The following FGGY variants were observed in gnomAD, a reference collection of about 807,000 sequenced individuals.
FGGY encodes FGGY carbohydrate kinase domain containing.
Under a neutral mutation model 71.3 loss-of-function variants are expected in FGGY, and 72 were observed. That is an observed-to-expected ratio of 1.01 (90% confidence interval 0.84 to 1.23). The LOEUF is 1.23. FGGY is among the 50% of genes most tolerant of loss of function. The pLI is 0.00. For missense variants in FGGY, 668 were observed against 682.3 expected (o/e 0.98, Z 0.23); for synonymous variants, 251 against 250.3 (o/e 1.00, Z -0.02).
intron 14 of FGGY, among the ~76,000 whole-genome samples, chr1:59,697,920 T>C (rs180676831): frequency 1.3e-5 from 2 of 152,332 alleles, no homozygotes; most frequent in East Asian, 3.9e-4. Flanking sequence ...TGAAACTTAC[T>C]AAATATGTGA....
chr1:59,371,164 C>T (rs1266905228), intron 4 of FGGY, among the ~76,000 whole-genome samples: 1 of 152,172 alleles, frequency 6.6e-6, no homozygotes, highest in Non-Finnish European at 1.5e-5. Context: ...GGAAACCCAT[C>T]TCACATGCAG....
chr1:59,487,811 C>T (rs2093699507), intron 6 of FGGY, among the ~76,000 whole-genome samples: 1 of 152,126 alleles, frequency 6.6e-6, no homozygotes, highest in African/African-American at 2.4e-5. Flanking sequence ...CCACCCCCTC[C>T]CCCTTGCCCC....
chr1:59,303,646 T>C (rs1254211533), intron 1 of FGGY, among the ~76,000 whole-genome samples: 1 of 152,162 alleles, frequency 6.6e-6, no homozygotes, highest in African/African-American at 2.4e-5. Context: ...CATATGGTAG[T>C]TCTATTTTTA....
intron 14 of FGGY, among the ~76,000 whole-genome samples, chr1:59,701,138 C>T (rs749525705): frequency 5.9e-5 from 9 of 152,120 alleles, no homozygotes; most frequent in Non-Finnish European, 4.4e-5. Context: ...TAGGGGGACA[C>T]GTGCAAGAGA....
At chr1:59,574,378 C>A (rs1181840255) in intron 8 of FGGY, among the ~76,000 whole-genome samples, 1 of 152,170 alleles carries the variant, frequency 6.6e-6, no homozygotes, top group African/African-American at 2.4e-5. Flanking sequence ...TGCATTTAGG[C>A]CAACTCAAAT....
intron 5 of FGGY, among the ~76,000 whole-genome samples, chr1:59,425,057 T>C (rs997624626): frequency 6.6e-6 from 1 of 152,342 alleles, no homozygotes; most frequent in African/African-American, 2.4e-5. Flanking sequence ...TTCAGTTTCC[T>C]TGCCCATAAA....
At chr1:59,426,011 C>T (rs142711736) in intron 5 of FGGY, among the ~76,000 whole-genome samples, 1 of 151,854 alleles carries the variant, frequency 6.6e-6, no homozygotes, top group Non-Finnish European at 1.5e-5. Flanking sequence ...GAACATGATA[C>T]AAAACTTTTC....
Position 59,378,403 on chromosome 1 carries a change from G to C in FGGY, c.466-346G>C, listed in dbSNP as rs192458084. 2.6e-5 allele frequency among the ~76,000 whole-genome samples: 4 copies of C among 151,906 alleles called. No individual in the cohort carries two copies. In the South Asian group the frequency reaches 8.3e-4, roughly 32 times the overall value. On this transcript the variant is annotated intron_variant, in intron 4 of 15. Coordinates refer to ENST00000303721, the MANE Select transcript of FGGY (RefSeq NM_018291.5). Reference sequence around the variant, plus strand: ...GATTGTGAGGCCTCCCCAGCCACGCGAAACTGTGAGTCCATTAAACCTATT... The same window carrying C: ...GATTGTGAGGCCTCCCCAGCCACGCCAAACTGTGAGTCCATTAAACCTATT...
At chr1:59,465,131 G>A (rs909829495) in intron 6 of FGGY, among the ~76,000 whole-genome samples, 85 of 152,136 alleles carry the variant, frequency 5.6e-4, no homozygotes, top group African/African-American at 1.3e-3. Flanking sequence ...CTGGCAAACC[G>A]AATCCAGCAG....
intron 1 of FGGY, among the ~76,000 whole-genome samples, chr1:59,311,182 A>G (rs1039182272): frequency 2.0e-5 from 3 of 152,194 alleles, no homozygotes; most frequent in African/African-American, 7.2e-5. Context: ...TAGTGTGGAA[A>G]GCCAAGTCAT....
chr1:59,482,462 G>C (rs575846289), intron 6 of FGGY, among the ~76,000 whole-genome samples: 1 of 152,050 alleles, frequency 6.6e-6, no homozygotes, highest in African/African-American at 2.4e-5. Context: ...ACTTATCTAA[G>C]AGGCTGCATA....
intron 14 of FGGY, among the ~76,000 whole-genome samples, chr1:59,681,794 ACACACACACATG>A (rs1366193294): frequency 2.8e-5 from 3 of 105,968 alleles, no homozygotes; most frequent in Admixed American, 2.7e-4. Flanking sequence ...ACACACACAC[ACACACACACATG>A]CACACACACA....
chr1:59,378,218 T>G (rs1481400241), intron 4 of FGGY, among the ~76,000 whole-genome samples: 1 of 152,114 alleles, frequency 6.6e-6, no homozygotes, highest in African/African-American at 2.4e-5. Flanking sequence ...CATAATTCTC[T>G]CATGTTGTGG....
chr1:59,467,507 A>C (rs759803821), intron 6 of FGGY, among the ~76,000 whole-genome samples: 13 of 152,004 alleles, frequency 8.6e-5, no homozygotes, highest in South Asian at 2.1e-4. Context: ...TAAAAAAAAA[A>C]CATACAAACC....
rs75053511 is a variant in FGGY, at chr1:59,479,731, A to T, written c.670+22655A>T. On this transcript the variant is annotated intron_variant, in intron 6 of 15. Transcript: ENST00000303721. ...AGAAGTACAGAGGATCGGGGAAAAG[A>T]TGATTAGAGAAATCTTGGAGGATTA... 2.7e-3 allele frequency among the ~76,000 whole-genome samples: 406 copies of T among 152,292 alleles called. 2 individuals are homozygous for T. The highest frequency in any genetic ancestry group is 4.5e-3 in the Non-Finnish European group (306 of 68,028).
At chr1:59,515,780 C>G (rs1170077332) in intron 7 of FGGY, among the ~76,000 whole-genome samples, 1 of 152,168 alleles carries the variant, frequency 6.6e-6, no homozygotes, top group Non-Finnish European at 1.5e-5. Context: ...ATGAGACCTC[C>G]CAGCCGTGTG....
intron 14 of FGGY, among the ~76,000 whole-genome samples, chr1:59,686,868 G>A (rs761501575): frequency 5.9e-5 from 9 of 152,150 alleles, no homozygotes; most frequent in Non-Finnish European, 1.3e-4. Context: ...TGCAATTGTT[G>A]TGAAAATTAA....
At chr1:59,441,585 G>A (rs74084805) in intron 5 of FGGY, among the ~76,000 whole-genome samples, 2,085 of 152,168 alleles carry the variant, frequency 0.014, 48 homozygotes, top group African/African-American at 0.048. Context: ...GTTGATGCTG[G>A]GGAAAACAAT....
intron 6 of FGGY, among the ~76,000 whole-genome samples, chr1:59,510,277 T>C (rs2094489270): frequency 6.6e-6 from 1 of 152,086 alleles, no homozygotes. Flanking sequence ...GTCTGTAAAA[T>C]GGGGGTAGTA....
Sources: allele counts gnomAD v4.1 joint callset (sites outside exome capture counted in the v4.1 genomes callset), GRCh38; gene constraint gnomAD v4.1.1; transcripts MANE v1.5; gene names NCBI Gene and HGNC (gene_info 2026-07-23, HGNC 2026-07-21).